The following SAMMSON variants were observed in gnomAD, a reference collection of about 807,000 sequenced individuals.
SAMMSON encodes the protein long intergenic non-protein coding RNA 1212.
intron 6 of SAMMSON, among the ~76,000 whole-genome samples, chr3:70,282,538 T>C (rs566010754): frequency 1.3e-5 from 2 of 152,192 alleles, no homozygotes; most frequent in Non-Finnish European, 2.9e-5. Flanking sequence ...TTCATTCTAT[T>C]TTGTTGGCTT....
chr3:70,144,840 G>A (rs1269251843), intron 4 of SAMMSON, among the ~76,000 whole-genome samples: 1 of 152,134 alleles, frequency 6.6e-6, no homozygotes. Flanking sequence ...CCTCTGCCAT[G>A]ATTGTGAGGC....
At chr3:70,433,052 TTGTC>T (rs780176284) in intron 2 of SAMMSON, among the ~76,000 whole-genome samples, 6 of 152,222 alleles carry the variant, frequency 3.9e-5, no homozygotes, top group Middle Eastern at 3.4e-3. Context: ...ATACTACAGT[TTGTC>T]TGTCCATTCA....
chr3:70,340,552 G>C (rs1352382193), intron 7 of SAMMSON, among the ~76,000 whole-genome samples: 1 of 152,026 alleles, frequency 6.6e-6, no homozygotes, highest in Non-Finnish European at 1.5e-5. Flanking sequence ...GATTTATGCT[G>C]TATGCCTGCC....
At chr3:70,278,765 TA>T (rs1405159811) in intron 6 of SAMMSON, among the ~76,000 whole-genome samples, 1 of 152,138 alleles carries the variant, frequency 6.6e-6, no homozygotes, top group Non-Finnish European at 1.5e-5. Flanking sequence ...TACCAAGTAA[TA>T]ACTAGGAGGC....
chr3:70,191,980 GAT>G (rs1180033243), intron 4 of SAMMSON, among the ~76,000 whole-genome samples: 1 of 141,714 alleles, frequency 7.1e-6, no homozygotes, highest in Non-Finnish European at 1.5e-5. Flanking sequence ...TTTTCTATAT[GAT>G]ATTTTTTCTC....
At chr3:70,237,304 A>G (rs1187897192) in intron 4 of SAMMSON, among the ~76,000 whole-genome samples, 1 of 152,126 alleles carries the variant, frequency 6.6e-6, no homozygotes, top group African/African-American at 2.4e-5. Context: ...ATATAGACAG[A>G]CCTCTATTAA....
intron 1 of SAMMSON, among the ~76,000 whole-genome samples, chr3:70,003,018 G>A (rs1477728046): frequency 6.6e-6 from 1 of 152,054 alleles, no homozygotes; most frequent in African/African-American, 2.4e-5. Context: ...TTTGATTCAT[G>A]TATTTTGAGG....
At chr3:70,017,748 G>A (rs1191446370) in intron 3 of SAMMSON, among the ~76,000 whole-genome samples, 2 of 152,054 alleles carry the variant, frequency 1.3e-5, no homozygotes, top group African/African-American at 4.8e-5. Context: ...ATTATTTTGA[G>A]AAACATCCCA....
At chr3:70,394,673 G>GTAAATTGTA (rs1195472875), downstream of SAMMSON, among the ~76,000 whole-genome samples, 2 of 152,096 alleles carry the variant, frequency 1.3e-5, no homozygotes, top group Non-Finnish European at 2.9e-5. Context: ...GATTAAAATG[G>GTAAATTGTA]TAAATTGTAC....
intron 7 of SAMMSON, among the ~76,000 whole-genome samples, chr3:70,340,518 C>T (rs1304760821): frequency 1.3e-5 from 2 of 152,028 alleles, no homozygotes; most frequent in African/African-American, 4.8e-5. Flanking sequence ...TTCACTGTAC[C>T]TAAATTGTTG....
chr3:70,041,653 A>G lies in SAMMSON; in HGVS notation n.417+27981A>G, dbSNP rs2067106782. Among the ~76,000 whole-genome samples the G allele has an allele frequency of 2.0e-5, 3 of 152,170 alleles. No individual in the cohort carries two copies. In the South Asian group the frequency reaches 6.2e-4, roughly 32 times the overall value. On this transcript the variant is annotated intron_variant and non_coding_transcript_variant, in intron 3 of 9. Transcript: ENST00000642114. ...AAAAATACCAATAAAAAATAACAAT[A>G]CAACATATTAAAAATGCAAATTAAA... is the stretch of plus-strand genomic sequence containing the variant.
At chr3:70,287,377 T>C (rs1368582988) in intron 6 of SAMMSON, among the ~76,000 whole-genome samples, 1 of 151,008 alleles carries the variant, frequency 6.6e-6, no homozygotes. Flanking sequence ...TTTGCATATA[T>C]TGAACCAGCC....
At chr3:70,243,159 C>T (rs1338757929) in intron 4 of SAMMSON, among the ~76,000 whole-genome samples, 1 of 152,116 alleles carries the variant, frequency 6.6e-6, no homozygotes, top group African/African-American at 2.4e-5. Flanking sequence ...TTGTCTTCTG[C>T]AGACAAGAGT....
At chr3:70,339,281 C>A (rs1011397537) in intron 7 of SAMMSON, among the ~76,000 whole-genome samples, 1 of 152,124 alleles carries the variant, frequency 6.6e-6, no homozygotes, top group Non-Finnish European at 1.5e-5. Context: ...AAATGTTAGA[C>A]CTAAAATCAT....
intron 7 of SAMMSON, among the ~76,000 whole-genome samples, chr3:70,298,275 C>G (rs1469414833): frequency 3.3e-5 from 5 of 152,016 alleles, no homozygotes; most frequent in Admixed American, 6.6e-5. Flanking sequence ...TTTCCCCACA[C>G]TTTGATGTGA....
chr3:70,243,322 T>C (rs1281548409), intron 4 of SAMMSON, among the ~76,000 whole-genome samples: 1 of 152,172 alleles, frequency 6.6e-6, no homozygotes, highest in Non-Finnish European at 1.5e-5. Flanking sequence ...CATTTTTCTT[T>C]GTTTTCCTTA....
chr3:70,245,682 T>C (rs1701700222), intron 4 of SAMMSON, among the ~76,000 whole-genome samples: 1 of 123,290 alleles, frequency 8.1e-6, no homozygotes, highest in South Asian at 2.6e-4. Context: ...TATATATATA[T>C]ATATATATAT....
chr3:70,336,931 T>A (rs1277303830), intron 7 of SAMMSON, among the ~76,000 whole-genome samples: 3 of 149,148 alleles, frequency 2.0e-5, no homozygotes, highest in Non-Finnish European at 4.5e-5. Flanking sequence ...TTACTAGCTA[T>A]TCCGGGACCA....
At chr3:70,110,219 T>C (rs751416869) in intron 4 of SAMMSON, among the ~76,000 whole-genome samples, 25 of 152,224 alleles carry the variant, frequency 1.6e-4, no homozygotes, top group Non-Finnish European at 1.5e-5. Flanking sequence ...ACTCCAGGGC[T>C]GGAGCTGTCT....
Sources: allele counts gnomAD v4.1 joint callset (sites outside exome capture counted in the v4.1 genomes callset), GRCh38; gene constraint gnomAD v4.1.1; transcripts MANE v1.5; gene names NCBI Gene and HGNC (gene_info 2026-07-23, HGNC 2026-07-21).